The following ETFB variants were observed in gnomAD, a reference collection of about 807,000 sequenced individuals.
ETFB encodes the protein beta-ETF.
A neutral mutation model predicts 25.6 loss-of-function variants in ETFB; 20 were observed. The ratio of observed to expected loss-of-function variants is 0.78; its 90% CI spans 0.55 to 1.14. The LOEUF is 1.14. ETFB is among the 50% of genes most tolerant of loss of function. The probability of loss-of-function intolerance (pLI) is 0.00; values close to 1 mark genes in which losing one functional copy is unlikely to be tolerated. For missense variants in ETFB, 286 were observed against 342.6 expected (o/e 0.83, Z 1.30); for synonymous variants, 142 against 146.7 (o/e 0.97, Z 0.23).
intron 1 of ETFB, among the ~76,000 whole-genome samples, chr19:51,359,498 T>C (rs1225454098): frequency 6.6e-6 from 1 of 152,084 alleles, no homozygotes; most frequent in Non-Finnish European, 1.5e-5. Flanking sequence ...CACATCTTGC[T>C]CTTGCTCTGG....
chr19:51,363,911 G>C (rs1011157247), intron 1 of ETFB, among the ~76,000 whole-genome samples: 8 of 152,154 alleles, frequency 5.3e-5, no homozygotes, highest in Admixed American at 1.3e-4. Flanking sequence ...GAAGCACAAA[G>C]GGTAAGGGAG....
rs147867464 is a variant in ETFB at position 51,347,445 on chromosome 19, A to C, written c.439-387T>G. 469 of 215,412 alleles carry C rather than the reference A, an allele frequency of 2.2e-3. 1 individual carries two copies. The highest frequency in any genetic ancestry group is 9.8e-3 in the African/African-American group (429 of 43,850). 13.3% of individuals were successfully genotyped at this position (215,412 alleles called of 1,614,324 possible). On this transcript the variant is annotated intron_variant, in intron 4 of 5. Coordinates refer to ENST00000309244, the MANE Select transcript of ETFB (RefSeq NM_001985.3). ...AGATGAGAGAAACTGAGGCAGCAAG[A>C]TGCTGAGTTACACGCCCACTGCCAC...
At position 51,359,110 on chromosome 19, in the gene ETFB, G is replaced by A. The variant is rs1418523442; in HGVS notation, c.58-4802C>T. Among the ~76,000 whole-genome samples, 5 of 152,064 alleles carry A rather than the reference G, an allele frequency of 3.3e-5. 1 individual carries two copies. Among genetic ancestry groups the A allele is most frequent in the Non-Finnish European group, 7.4e-5 (5 of 68,010 alleles). On this transcript the variant is annotated intron_variant, in intron 1 of 5. Transcript: ENST00000309244. ...CTCGTTGCCCAGGCTGGAGTGCAGA[G>A]GTGCCACCTTGCCTTACTGCAACCT...
At position 51,345,361 on chromosome 19, in the gene ETFB, G is replaced by A. The variant is rs533794107; in HGVS notation, c.618C>T (p.Ile206=). The change falls in exon 6 of 6, where the codon ATC becomes ATT. Residue 206 remains isoleucine (I), a synonymous_variant. Transcript: ENST00000309244. ...PNIMKAKKKK[I]EVIKPGDLGV... ...CCAGGTCCCCAGGCTTGATCACCTCGATCTTCTTCTTCTTGGCTTTCTGCA... is the reference window on the plus strand; with the variant it reads ...CCAGGTCCCCAGGCTTGATCACCTCAATCTTCTTCTTCTTGGCTTTCTGCA... 32 of 1,614,000 alleles carry A rather than the reference G, an allele frequency of 2.0e-5. No homozygotes were observed. The East Asian group carries it at 4.7e-4, about 24-fold the overall frequency.
Position 51,354,244 on chromosome 19 carries a change from A to G in ETFB, c.122T>C (p.Phe41Ser), listed in dbSNP as rs746082442. The change falls in exon 2 of 6, where the codon TTC becomes TCC. Residue 41 changes from phenylalanine to serine, a missense_variant. Transcript: ENST00000309244. The stretch of plus-strand genomic sequence containing the variant: ...AGCCTCCTCCACCGCGATCTCACAG[A>G]AGGGGTTCATGGAGTGCTTCACACC... ...TDGVKHSMNP[F>S]CEIAVEEAVR... The G allele has an allele frequency of 1.9e-6, 3 of 1,614,170 alleles. No individual in the cohort carries two copies. Among genetic ancestry groups the G allele is most frequent in the Admixed American group, 1.7e-5 (1 of 60,018 alleles).
At chr19:51,365,798 T>C (rs1043399367) in intron 1 of ETFB, among the ~76,000 whole-genome samples, 20 of 152,234 alleles carry the variant, frequency 1.3e-4, no homozygotes, top group African/African-American at 4.8e-4. Flanking sequence ...AAGCAGCTTC[T>C]GGGGCCCCAC....
chr19:51,347,088 G>A (rs777916916), intron 4 of ETFB, 30 bp from the exon 5 acceptor site: 6 of 1,613,008 alleles, frequency 3.7e-6, no homozygotes, highest in Non-Finnish European at 5.1e-6. Context: ...GAGGAGAGTG[G>A]GTGAGGCTAA....
In ETFB at chr19:51,366,384, G is replaced by GGGCCCCCCCCCCCC; in HGVS notation, c.-59_-58insGGGGGGGGGGGGCC. On this transcript the variant is annotated 5_prime_UTR_variant, in exon 1 of 6. Coordinates refer to ENST00000309244, the MANE Select transcript of ETFB (RefSeq NM_001985.3). ...GCACCCTCAGCGGCTCAGTCCAGAA[G>GGGCCCCCCCCCCCC]CCCCACCACCCCCGCCCCCCGCGCC... 6.6e-7 allele frequency: 1 copy of GGGCCCCCCCCCCCC among 1,525,628 alleles called. No homozygotes were observed. The highest frequency in any genetic ancestry group is 8.9e-7 in the Non-Finnish European group (1 of 1,120,124). The allele number at this position is 1,525,628 out of a possible 1,614,324, so 94.5% of individuals were successfully genotyped here.
chr19:51,357,123 G>A (rs1986100233), intron 1 of ETFB: 1 of 151,184 alleles, frequency 6.6e-6, no homozygotes, highest in African/African-American at 2.4e-5. Flanking sequence ...GCCCAGGCTG[G>A]AGTACAGTGG....
At chr19:51,354,760 G>C in intron 1 of ETFB, 2 of 1,174,698 alleles carry the variant, frequency 1.7e-6, no homozygotes, top group Non-Finnish European at 2.4e-6. Flanking sequence ...GGAGCAGCCT[G>C]CCTGAAAAAT....
At chr19:51,363,696 G>C (rs568290185) in intron 1 of ETFB, among the ~76,000 whole-genome samples, 1 of 152,046 alleles carries the variant, frequency 6.6e-6, no homozygotes, top group Non-Finnish European at 1.5e-5. Flanking sequence ...TGATCCACTC[G>C]CCTCAGCCTC....
intron 2 of ETFB, 36 bp from the exon 3 acceptor site, chr19:51,353,326 C>G (rs1393047916): frequency 1.2e-6 from 2 of 1,613,154 alleles, no homozygotes; most frequent in South Asian, 1.1e-5. Flanking sequence ...TGGCTGCTAT[C>G]CTCAGGGGGA....
At chr19:51,345,719 C>T (rs1275440325) in intron 5 of ETFB, 2 of 400,642 alleles carry the variant, frequency 5.0e-6, no homozygotes, top group Non-Finnish European at 9.5e-6. Flanking sequence ...TGAAGGCTCC[C>T]AATAGGCTGA....
intron 3 of ETFB, 78 bp from the exon 4 acceptor site, chr19:51,350,469 G>C: frequency 2.5e-6 from 2 of 791,398 alleles, no homozygotes; most frequent in Non-Finnish European, 4.4e-6. Flanking sequence ...TAGAACAGGG[G>C]TTGGCAAACT....
At chr19:51,345,407 A>G in intron 5 of ETFB, 26 bp from the exon 6 acceptor site, 1 of 1,613,182 alleles carries the variant, frequency 6.2e-7, no homozygotes, top group Non-Finnish European at 8.5e-7. Flanking sequence ...CATTGTTCAC[A>G]GGGCTGTGGA....
At position 51,350,374 on chromosome 19, in the gene ETFB, A is replaced by ACAGTCAT; in HGVS notation, c.386_392dup (p.Cys131Ter). ...CAGCTGTCATCTGCCCTGTCTGGTT[A>ACAGTCAT]CAGTCATCATCGATGGCCTGAATGG... On this transcript the variant is annotated stop_gained and frameshift_variant, in exon 4 of 6. Transcript: ENST00000309244. LOFTEE classifies it high-confidence loss of function. The ACAGTCAT allele has an allele frequency of 6.3e-7, 1 of 1,585,430 alleles. No homozygotes were observed. Among genetic ancestry groups the ACAGTCAT allele is most frequent in the Non-Finnish European group, 8.7e-7 (1 of 1,155,908 alleles).
chr19:51,364,261 C>G (rs572542515), intron 1 of ETFB, among the ~76,000 whole-genome samples: 1 of 152,090 alleles, frequency 6.6e-6, no homozygotes, highest in Non-Finnish European at 1.5e-5. Flanking sequence ...GTACCCAGGT[C>G]TAATCTGGTG....
At chr19:51,364,331 C>T (rs1421557860) in intron 1 of ETFB, among the ~76,000 whole-genome samples, 1 of 152,194 alleles carries the variant, frequency 6.6e-6, no homozygotes, top group Non-Finnish European at 1.5e-5. Flanking sequence ...TCAACAGACA[C>T]ATCCAGTGAG....
At chr19:51,345,439 A>G in intron 5 of ETFB, 58 bp from the exon 6 acceptor site, 1 of 1,564,300 alleles carries the variant, frequency 6.4e-7, no homozygotes, top group South Asian at 1.1e-5. Context: ...CCTTCCTGCC[A>G]CCTCCTTCCC....
Sources: allele counts gnomAD v4.1 joint callset (sites outside exome capture counted in the v4.1 genomes callset), GRCh38; gene constraint gnomAD v4.1.1; transcripts MANE v1.5; gene names NCBI Gene and HGNC (gene_info 2026-07-23, HGNC 2026-07-21).